The following ANKS6 variants were observed in gnomAD, a reference collection of about 807,000 sequenced individuals.
The protein encoded by ANKS6 is ankyrin repeat and SAM domain-containing protein 6.
Under a neutral mutation model 77.9 loss-of-function variants are expected in ANKS6, and 47 were observed. The observed-to-expected ratio is 0.60, with a 90% CI of 0.48 to 0.77. ANKS6 has a LOEUF of 0.77. ANKS6 is among the 30% of genes least tolerant of loss of function. ANKS6 has a pLI of 0.00. For synonymous variants in ANKS6, 488 were observed against 501.7 expected (o/e 0.97, Z 0.37); for missense variants, 1,150 against 1,159.1 (o/e 0.99, Z 0.11).
intron 4 of ANKS6, 21 bp downstream of exon 4, chr9:98,783,932 G>A: frequency 2.0e-6 from 3 of 1,536,412 alleles, no homozygotes; most frequent in South Asian, 2.5e-5. Context: ...TTGTCGCTGA[G>A]GGCGTGGGGC....
In ANKS6 at chr9:98,784,092, C is replaced by T. The variant is rs1272506494; in HGVS notation, c.973G>A (p.Asp325Asn). 1.3e-6 allele frequency: 2 copies of T among 1,590,198 alleles called. No homozygotes were observed. Among genetic ancestry groups the T allele is most frequent in the Non-Finnish European group, 1.7e-6 (2 of 1,165,948 alleles). ...GCTAGCATCAGTGGCGTCGCCCCGT[C>T]CCCATTGACCAAGTTCACGTGGCTG... ...DPSHVNLVNG[D>N]GATPLMLAAV... The change falls in exon 4 of 15, where the codon GAC (aspartate) becomes AAC (asparagine). Residue 325 changes from aspartate (D) to asparagine (N), a missense_variant. Transcript: ENST00000353234.
intron 11 of ANKS6, among the ~76,000 whole-genome samples, chr9:98,767,523 G>A (rs1339627481): frequency 2.0e-5 from 3 of 152,166 alleles, no homozygotes; most frequent in African/African-American, 7.2e-5. Flanking sequence ...TAGAGCGGTT[G>A]CCAAATTTCC....
chr9:98,786,526 G>A (rs537313918), intron 2 of ANKS6, among the ~76,000 whole-genome samples: 20 of 152,066 alleles, frequency 1.3e-4, no homozygotes, highest in Middle Eastern at 6.8e-3. Context: ...TCCTGACCTC[G>A]TGATTCACCC....
In ANKS6 at chr9:98,742,926, C is replaced by T. The variant is rs146595571; in HGVS notation, c.2511+2633G>A. ...AAACTTTAAGAACAATGTCCTCCAT[C>T]GGGATGGGCTCAAGATGTCATGTCA... On this transcript the variant is annotated intron_variant, in intron 14 of 14. Transcript: ENST00000353234. 1.5e-3 allele frequency among the ~76,000 whole-genome samples: 236 copies of T among 152,302 alleles called. 1 individual carries two copies. Among genetic ancestry groups the T allele is most frequent in the African/African-American group, 5.4e-3 (226 of 41,554 alleles).
Position 98,796,213 on chromosome 9 carries a change from C to T in ANKS6, c.279G>A (p.Leu93=), listed in dbSNP as rs1440539345. The part of the protein sequence containing the change: ...QFAAAGGHEP[L]VRFLLRRGAS... ...CACCGCGGCGCAGCAGGAAGCGCAC[C>T]AGCGGTTCGTGGCCCCCGGCCGCGG... The change falls in exon 1 of 15, where the codon CTG becomes CTA. Residue 93 remains leucine (L), a synonymous_variant. Transcript: ENST00000353234. The T allele has an allele frequency of 2.8e-6, 4 of 1,415,584 alleles. No individual in the cohort carries two copies. The highest frequency in any genetic ancestry group is 2.9e-5 in the South Asian group (2 of 68,350). 87.7% of individuals were successfully genotyped at this position (1,415,584 alleles called of 1,614,324 possible).
Position 98,733,291 on chromosome 9 carries a change from C to A in ANKS6, c.*3228G>T, listed in dbSNP as rs1035425125. 1.0e-6 allele frequency: 1 copy of A among 985,408 alleles called. No homozygotes were observed. Among genetic ancestry groups the A allele is most frequent in the African/African-American group, 1.7e-5 (1 of 57,254 alleles). 61.0% of individuals were successfully genotyped at this position (985,408 alleles called of 1,614,324 possible). On this transcript the variant is annotated 3_prime_UTR_variant, in exon 15 of 15. Transcript: ENST00000353234. ...CTGAAGAAGAGAGGCAGGAGCCCTC[C>A]GTGGCCAGCAGGGACTTGGACATCC...
intron 11 of ANKS6, among the ~76,000 whole-genome samples, chr9:98,758,885 T>A (rs1365574033): frequency 6.6e-6 from 1 of 152,160 alleles, no homozygotes; most frequent in East Asian, 1.9e-4. Context: ...AAAAAAAATA[T>A]CAACTAGAGT....
chr9:98,734,670 C>T lies in ANKS6; in HGVS notation c.*1849G>A. The stretch of plus-strand genomic sequence containing the variant: ...GGCTGTTTAACTGGCAAGCTGCTTC[C>T]CTCTCCTAAGCATCCGTTTCCCGAA... On this transcript the variant is annotated 3_prime_UTR_variant, in exon 15 of 15. Coordinates refer to ENST00000353234, the MANE Select transcript of ANKS6 (RefSeq NM_173551.5). 4.3e-6 allele frequency: 4 copies of T among 934,376 alleles called. No homozygotes were observed. The highest frequency in any genetic ancestry group is 5.1e-6 in the Non-Finnish European group (4 of 783,636). 57.9% of individuals were successfully genotyped at this position (934,376 alleles called of 1,614,324 possible). A position where few individuals can be genotyped will look rare whatever the true frequency, so the allele number is the denominator to read the frequency against.
At chr9:98,775,881 A>G (rs1171330849) in intron 8 of ANKS6, among the ~76,000 whole-genome samples, 1 of 152,192 alleles carries the variant, frequency 6.6e-6, no homozygotes, top group African/African-American at 2.4e-5. Flanking sequence ...CCCCACAGTC[A>G]GTGTTCGAGC....
intron 13 of ANKS6, among the ~76,000 whole-genome samples, chr9:98,746,356 T>A (rs1462781872): frequency 1.3e-5 from 2 of 152,180 alleles, no homozygotes; most frequent in African/African-American, 4.8e-5. Flanking sequence ...TCACCTTGCA[T>A]GTCGGACAAC....
chr9:98,743,839 G>T (rs1299026148), intron 14 of ANKS6, among the ~76,000 whole-genome samples: 1 of 152,190 alleles, frequency 6.6e-6, no homozygotes, highest in Non-Finnish European at 1.5e-5. Flanking sequence ...AGACATAAAG[G>T]CTCTTCTTCA....
chr9:98,781,123 C>A lies in ANKS6; in HGVS notation c.1220-786G>T, dbSNP rs79712218. ...TCATGTTGGCCAGGCTGGTCTCGAA[C>A]CCCTGGCCTCAAGTGATCGACCCAC... is the stretch of plus-strand genomic sequence containing the variant. On this transcript the variant is annotated intron_variant, in intron 5 of 14. Transcript: ENST00000353234. Among the ~76,000 whole-genome samples, 108 of 152,316 alleles carry A rather than the reference C, an allele frequency of 7.1e-4. 3 individuals are homozygous for A. In the East Asian group the frequency reaches 0.02, roughly 28 times the overall value.
Position 98,768,139 on chromosome 9 carries a change from C to T in ANKS6, c.2084G>A (p.Gly695Glu). ...GGCTGGAAGCTCAGACGGGCTGGACCCCGGTGCTGGCCCCACAGGGCTTGA... is the reference window on the plus strand; with the variant it reads ...GGCTGGAAGCTCAGACGGGCTGGACTCCGGTGCTGGCCCCACAGGGCTTGA... ...HRSSPVGPAP[G>E]SSPSELPASP... The change falls in exon 11 of 15, where the codon GGG becomes GAG. Residue 695 changes from glycine (G) to glutamate (E), a missense_variant. By Grantham distance (98) the Gly-to-Glu change is moderately conservative. Coordinates refer to ENST00000353234, the MANE Select transcript of ANKS6 (RefSeq NM_173551.5). The T allele has an allele frequency of 6.2e-7, 1 of 1,613,590 alleles. No individual in the cohort carries two copies. Among genetic ancestry groups the T allele is most frequent in the South Asian group, 1.1e-5 (1 of 91,000 alleles).
chr9:98,736,666 C>T (rs1831518528), intron 14 of ANKS6, 43 bp from the exon 15 acceptor site: 1 of 1,550,740 alleles, frequency 6.4e-7, no homozygotes, highest in Non-Finnish European at 8.7e-7. Flanking sequence ...TCTTATTAAA[C>T]CTTTTAACCA....
At chr9:98,746,890 G>A (rs952202640) in intron 13 of ANKS6, among the ~76,000 whole-genome samples, 7 of 152,182 alleles carry the variant, frequency 4.6e-5, no homozygotes, top group Non-Finnish European at 7.3e-5. Context: ...GCGCTTATCT[G>A]GGAGATGGGA....
chr9:98,794,101 G>C (rs1476859567), intron 1 of ANKS6, among the ~76,000 whole-genome samples: 1 of 133,078 alleles, frequency 7.5e-6, no homozygotes, highest in East Asian at 2.2e-4. Context: ...AGTGAGTCGA[G>C]ATCACGCCAC....
intron 6 of ANKS6, among the ~76,000 whole-genome samples, chr9:98,778,950 G>A (rs980223359): frequency 3.9e-5 from 6 of 152,216 alleles, no homozygotes; most frequent in South Asian, 2.1e-4. Flanking sequence ...GGGAACGCTT[G>A]TAACCCATGA....
chr9:98,753,830 A>C (rs1357673023), intron 12 of ANKS6, among the ~76,000 whole-genome samples: 1 of 152,234 alleles, frequency 6.6e-6, no homozygotes, highest in East Asian at 1.9e-4. Flanking sequence ...AAAATATACA[A>C]AAATGAGTAA....
chr9:98,777,683 C>T (rs1462719175), intron 7 of ANKS6, among the ~76,000 whole-genome samples: 1 of 152,138 alleles, frequency 6.6e-6, no homozygotes, highest in African/African-American at 2.4e-5. Context: ...GACAGTGGTG[C>T]CCCCAGCTCA....
Sources: gnomAD v4.1 joint callset for allele counts (sites outside exome capture counted in the v4.1 genomes callset) on GRCh38, gnomAD v4.1.1 for gene constraint, MANE v1.5 for transcripts, NCBI Gene and HGNC (gene_info 2026-07-23, HGNC 2026-07-21) for gene names.